Variants in MALSU1 observed in about 807,000 individuals in gnomAD.
MALSU1 encodes the protein mitochondrial assembly of ribosomal large subunit protein 1.
A neutral mutation model predicts 22.1 loss-of-function variants in MALSU1; 22 were observed. The observed-to-expected ratio is 1.00, with a 90% confidence interval of 0.71 to 1.42. The LOEUF is 1.42. Among genes scored for constraint, MALSU1 ranks in the 40% most tolerant of loss-of-function variants. The probability of loss-of-function intolerance (pLI) is 0.00; values close to 1 mark genes in which losing one functional copy is unlikely to be tolerated. For missense variants in MALSU1, 379 were observed against 308.3 expected (o/e 1.23, Z -1.72); for synonymous variants, 153 against 118.5 (o/e 1.29, Z -1.89).
At chr7:23,305,929 T>G (rs1783716316) in intron 2 of MALSU1, among the ~76,000 whole-genome samples, 1 of 152,236 alleles carries the variant, frequency 6.6e-6, no homozygotes, top group Non-Finnish European at 1.5e-5. Flanking sequence ...TCACGGTGGC[T>G]GATGTCTGTA....
At chr7:23,302,519 A>G (rs1013520707) in intron 2 of MALSU1, among the ~76,000 whole-genome samples, 8 of 152,208 alleles carry the variant, frequency 5.3e-5, no homozygotes, top group African/African-American at 1.4e-4. Context: ...AGATAGGGAG[A>G]GAACTAGGAA....
Position 23,299,342 on chromosome 7 carries a change from A to G in MALSU1, c.-11A>G, listed in dbSNP as rs1562654709. 1.9e-6 allele frequency: 3 copies of G among 1,551,580 alleles called. No homozygotes were observed. In the Admixed American group the frequency reaches 5.5e-5, roughly 29 times the overall value. ...ACCACCCACCCGCGACGCCGACGCA[A>G]GGCTGCTGCTATGGGGCCGGGCGGC... On this transcript the variant is annotated 5_prime_UTR_variant, in exon 1 of 4. Coordinates refer to ENST00000466681, the MANE Select transcript of MALSU1 (RefSeq NM_138446.2).
intron 1 of MALSU1, among the ~76,000 whole-genome samples, chr7:23,300,196 A>G (rs1396079774): frequency 1.3e-5 from 2 of 152,164 alleles, no homozygotes; most frequent in African/African-American, 4.8e-5. Flanking sequence ...GAAGATCAGA[A>G]TATCTAAATC....
intron 2 of MALSU1, among the ~76,000 whole-genome samples, chr7:23,301,908 G>A (rs1180040140): frequency 6.6e-6 from 1 of 151,706 alleles, no homozygotes; most frequent in Non-Finnish European, 1.5e-5. Context: ...GGCGGAGGTT[G>A]CAGTGAGCTG....
intron 2 of MALSU1, among the ~76,000 whole-genome samples, chr7:23,306,379 T>C (rs1200398921): frequency 6.6e-6 from 1 of 152,138 alleles, no homozygotes; most frequent in African/African-American, 2.4e-5. Flanking sequence ...ACATATGAAG[T>C]TGTATTGTCT....
chr7:23,308,432 A>G (rs936294711), intron 3 of MALSU1, among the ~76,000 whole-genome samples: 12 of 152,238 alleles, frequency 7.9e-5, no homozygotes, highest in African/African-American at 2.9e-4. Flanking sequence ...GCACCTCCCA[A>G]CAAGATAATA....
rs116872778 is a variant in MALSU1 at position 23,311,465 on chromosome 7, C to T, written c.*1922C>T. ...AAACCAGCCGTTCCAAAATCTCCTG[C>T]GACCACTTTGTTAGTACCGTCAAAA... is the stretch of plus-strand genomic sequence containing the variant. On this transcript the variant is annotated 3_prime_UTR_variant, in exon 4 of 4. Transcript: ENST00000466681. The T allele has an allele frequency of 0.016, 2,399 of 152,618 alleles. 32 individuals carry two copies. Among genetic ancestry groups the T allele is most frequent in the Non-Finnish European group, 0.023 (1,597 of 68,008 alleles). The allele number at this position is 152,618 out of a possible 1,614,324, so 9.5% of individuals were successfully genotyped here. A position where few individuals can be genotyped will look rare whatever the true frequency, so the allele number is the denominator to read the frequency against.
Position 23,299,389 on chromosome 7 carries a change from C to T in MALSU1, c.37C>T (p.Pro13Ser), listed in dbSNP as rs755019900. 3.1e-6 allele frequency: 5 copies of T among 1,595,544 alleles called. No individual in the cohort carries two copies. Among genetic ancestry groups the T allele is most frequent in the African/African-American group, 2.7e-5 (2 of 74,700 alleles). ...PGGRVARLLA[P>S]LMWRRAVSSV... ...CGGCCGTGTGGCGCGGCTGCTCGCC[C>T]CACTAATGTGGCGCAGGGCGGTTTC... The change falls in exon 1 of 4, where the codon CCA becomes TCA. Residue 13 changes from proline (P) to serine (S), a missense_variant. By Grantham distance (74) the Pro-to-Ser change is moderately conservative. Transcript: ENST00000466681.
rs191992576 is a variant in MALSU1, at chr7:23,300,659, A to G, written c.257-180A>G. On this transcript the variant is annotated intron_variant, in intron 1 of 3. Transcript: ENST00000466681. ...CTGAGCACCCTGACCATAAAAGTTG[A>G]GCGGTGCTATGATACTACTGCCCAG... Among the ~76,000 whole-genome samples the G allele has an allele frequency of 2.5e-3, 383 of 152,270 alleles. 5 individuals carry two copies. The highest frequency in any genetic ancestry group is 0.018 in the Admixed American group (270 of 15,294).
chr7:23,299,418 G>T lies in MALSU1; in HGVS notation c.66G>T (p.Ser22=), dbSNP rs762483865. 6.2e-7 allele frequency: 1 copy of T among 1,601,876 alleles called. No homozygotes were observed. ...APLMWRRAVS[S]VAGSAVGAEP... is the part of the protein sequence containing the mutation. ...TAATGTGGCGCAGGGCGGTTTCCTC[G>T]GTGGCGGGGTCCGCGGTTGGAGCCG... is the stretch of plus-strand genomic sequence containing the variant. The change falls in exon 1 of 4, where the codon TCG becomes TCT. Residue 22 remains serine (S), a synonymous_variant. Transcript: ENST00000466681.
At chr7:23,307,992 C>T (rs760765202) in intron 3 of MALSU1, 43 bp downstream of exon 3, 23 of 1,331,204 alleles carry the variant, frequency 1.7e-5, no homozygotes, top group South Asian at 8.4e-5. Context: ...GTTGGTACTA[C>T]GCTAATCTTG....
In MALSU1 at chr7:23,311,088, T is replaced by C. The variant is rs1234095801; in HGVS notation, c.*1545T>C. 1 of 152,234 alleles carries C rather than the reference T, an allele frequency of 6.6e-6. No individual in the cohort carries two copies. Among genetic ancestry groups the C allele is most frequent in the Non-Finnish European group, 1.5e-5 (1 of 68,040 alleles). 9.4% of individuals were successfully genotyped at this position (152,234 alleles called of 1,614,324 possible). A position where few individuals can be genotyped will look rare whatever the true frequency, so the allele number is the denominator to read the frequency against. ...TGCACAGTATACAGAAATCCTGTTA[T>C]ACTTTACTACTTAAGGTGGAGTCTA... is the stretch of plus-strand genomic sequence containing the variant. On this transcript the variant is annotated 3_prime_UTR_variant, in exon 4 of 4. Transcript: ENST00000466681.
chr7:23,306,108 C>T (rs1160482970), intron 2 of MALSU1, among the ~76,000 whole-genome samples: 9 of 152,026 alleles, frequency 5.9e-5, no homozygotes, highest in African/African-American at 1.9e-4. Context: ...GCAGGAGAAT[C>T]GCTTGAACTT....
chr7:23,303,813 GAAA>G (rs57849044), intron 2 of MALSU1, among the ~76,000 whole-genome samples: 10 of 110,786 alleles, frequency 9.0e-5, no homozygotes, highest in African/African-American at 2.8e-4. Context: ...TGTCTCAAAA[GAAA>G]AAAAAAAAAA....
Position 23,310,466 on chromosome 7 carries a change from G to A in MALSU1, c.*923G>A, listed in dbSNP as rs1252129469. The stretch of plus-strand genomic sequence containing the variant: ...GCAGATATAAATGCAGCACCTATGT[G>A]TATATTTTTAAAAAATCAAATATTG... On this transcript the variant is annotated 3_prime_UTR_variant, in exon 4 of 4. Transcript: ENST00000466681. The A allele has an allele frequency of 1.3e-5, 2 of 152,136 alleles. No individual in the cohort carries two copies. Among genetic ancestry groups the A allele is most frequent in the African/African-American group, 4.8e-5 (2 of 41,438 alleles). 9.4% of individuals were successfully genotyped at this position (152,136 alleles called of 1,614,324 possible). A position where few individuals can be genotyped will look rare whatever the true frequency, so the allele number is the denominator to read the frequency against.
rs1418624132 is a variant in MALSU1, at chr7:23,310,236, C to G, written c.*693C>G. The G allele has an allele frequency of 6.6e-6, 1 of 152,120 alleles. No individual in the cohort carries two copies. The highest frequency in any genetic ancestry group is 2.4e-5 in the African/African-American group (1 of 41,426). 9.4% of individuals were successfully genotyped at this position (152,120 alleles called of 1,614,324 possible). A position where few individuals can be genotyped will look rare whatever the true frequency, so the allele number is the denominator to read the frequency against. On this transcript the variant is annotated 3_prime_UTR_variant, in exon 4 of 4. Coordinates refer to ENST00000466681, the MANE Select transcript of MALSU1 (RefSeq NM_138446.2). ...CACCTAAATGATGAAAAAATTTATT[C>G]TGCGTCAAGGTATCTGGAAAATGAA...
At chr7:23,308,731 G>A (rs989036339) in intron 3 of MALSU1, among the ~76,000 whole-genome samples, 2 of 152,126 alleles carry the variant, frequency 1.3e-5, no homozygotes, top group Admixed American at 1.3e-4. Flanking sequence ...TTTTATAACT[G>A]GCAGGAAGCA....
At chr7:23,308,264 A>G (rs935996524) in intron 3 of MALSU1, among the ~76,000 whole-genome samples, 1 of 152,184 alleles carries the variant, frequency 6.6e-6, no homozygotes, top group Non-Finnish European at 1.5e-5. Flanking sequence ...TAGAGGCGGG[A>G]GAGATTCCTT....
intron 1 of MALSU1, 123 bp from the exon 2 acceptor site, chr7:23,300,709 CCTGCTAT>C: frequency 1.3e-6 from 1 of 749,890 alleles, no homozygotes; most frequent in South Asian, 1.7e-5. Context: ...AGGCCTTTAC[CCTGCTAT>C]CTGTAAAAAC....
Sources: gnomAD v4.1 joint callset for allele counts (sites outside exome capture counted in the v4.1 genomes callset) on GRCh38, gnomAD v4.1.1 for gene constraint, MANE v1.5 for transcripts, NCBI Gene and HGNC (gene_info 2026-07-23, HGNC 2026-07-21) for gene names.